Variants in SRRM4 observed in about 807,000 individuals in gnomAD.
The protein encoded by SRRM4 is serine/arginine repetitive matrix protein 4.
In SRRM4, 33 loss-of-function variants were observed where a neutral mutation model predicts 68.9. The observed-to-expected ratio is 0.48, with a 90% CI of 0.36 to 0.64. The LOEUF (loss-of-function observed/expected upper bound fraction) is 0.64. Among genes scored for constraint, SRRM4 ranks in the 30% least tolerant of loss-of-function variants. SRRM4 has a pLI of 0.00. For synonymous variants in SRRM4, 318 were observed against 318.8 expected, an observed-to-expected ratio of 1.00 and a Z score of 0.03; for missense variants, 817 against 827.1, an observed-to-expected ratio of 0.99 and a Z score of 0.15.
chr12:119,010,659 T>A (rs1594025441), intron 1 of SRRM4, among the ~76,000 whole-genome samples: 3 of 152,206 alleles, frequency 2.0e-5, no homozygotes, highest in Admixed American at 1.3e-4. Context: ...TCAAAAATTT[T>A]AAAAAATCTG....
chr12:119,048,563 A>G (rs1231237343), intron 1 of SRRM4, among the ~76,000 whole-genome samples: 1 of 152,124 alleles, frequency 6.6e-6, no homozygotes, highest in African/African-American at 2.4e-5. Flanking sequence ...ACCAGCTCCC[A>G]TTCTTTCTTT....
At chr12:119,132,261 T>C (rs914662342) in intron 8 of SRRM4, 2 of 152,204 alleles carry the variant, frequency 1.3e-5, no homozygotes, top group Non-Finnish European at 2.9e-5. Context: ...TGAGTCTTGT[T>C]TTGGCTGGAC....
At chr12:119,102,213 T>G (rs1565908379) in intron 1 of SRRM4, 23 bp from the exon 2 acceptor site, 1 of 1,597,988 alleles carries the variant, frequency 6.3e-7, no homozygotes. Flanking sequence ...AACACTTTTG[T>G]GTCCTTATTT....
At chr12:119,126,063 G>A (rs1379547461) in intron 7 of SRRM4, among the ~76,000 whole-genome samples, 1 of 104,460 alleles carries the variant, frequency 9.6e-6, no homozygotes, top group African/African-American at 3.8e-5. Context: ...TCACCCTATA[G>A]CCCAGTCTGG....
chr12:119,152,043 C>T (rs537279765), intron 10 of SRRM4, among the ~76,000 whole-genome samples: 5 of 152,080 alleles, frequency 3.3e-5, no homozygotes, highest in Admixed American at 6.5e-5. Flanking sequence ...TATTGGTAAT[C>T]GCTTGATTGC....
At chr12:119,011,433 G>T (rs1486405852) in intron 1 of SRRM4, among the ~76,000 whole-genome samples, 1 of 152,104 alleles carries the variant, frequency 6.6e-6, no homozygotes, top group Non-Finnish European at 1.5e-5. Flanking sequence ...TTTGGGCTGT[G>T]ACAATCAAAC....
intron 6 of SRRM4, among the ~76,000 whole-genome samples, chr12:119,123,545 G>A (rs896057932): frequency 1.3e-5 from 2 of 152,012 alleles, no homozygotes; most frequent in African/African-American, 4.8e-5. Context: ...AGGGGAGCAA[G>A]GTGGCCACCC....
At chr12:119,103,740 C>T (rs1364889992) in intron 2 of SRRM4, among the ~76,000 whole-genome samples, 4 of 152,224 alleles carry the variant, frequency 2.6e-5, no homozygotes, top group Non-Finnish European at 4.4e-5. Flanking sequence ...TGCTGGCTCA[C>T]GCCTGTAATC....
chr12:119,102,021 G>C (rs1035374239), intron 1 of SRRM4, among the ~76,000 whole-genome samples: 5 of 152,164 alleles, frequency 3.3e-5, no homozygotes, highest in Non-Finnish European at 5.9e-5. Flanking sequence ...GACAGAGGAA[G>C]GGGGAGCTGG....
intron 1 of SRRM4, among the ~76,000 whole-genome samples, chr12:119,063,128 C>G (rs771700216): frequency 9.9e-5 from 15 of 152,162 alleles, no homozygotes; most frequent in Admixed American, 2.0e-4. Flanking sequence ...CTGGTATCTA[C>G]TAAATACTTG....
chr12:119,053,526 A>G (rs1480997792), intron 1 of SRRM4, among the ~76,000 whole-genome samples: 1 of 151,834 alleles, frequency 6.6e-6, no homozygotes, highest in Non-Finnish European at 1.5e-5. Flanking sequence ...AAGGTTTGTG[A>G]CTCTCTGTTT....
At position 119,163,003 on chromosome 12, in the gene SRRM4, C is replaced by T. The variant is rs1023794491; in HGVS notation, c.*6205C>T. On this transcript the variant is annotated 3_prime_UTR_variant, in exon 13 of 13. Coordinates refer to ENST00000267260, the MANE Select transcript of SRRM4 (RefSeq NM_194286.4). ...GGGGTTTCTGGTTTTTCAGCCTGTA[C>T]GAAACATGTCTCTGTTCTAATTAAA... 1 of 152,172 alleles carries T rather than the reference C, an allele frequency of 6.6e-6. No individual in the cohort carries two copies. The highest frequency in any genetic ancestry group is 1.5e-5 in the Non-Finnish European group (1 of 68,040). 9.4% of individuals were successfully genotyped at this position (152,172 alleles called of 1,614,324 possible).
chr12:118,988,941 A>G (rs1953299420), intron 1 of SRRM4, among the ~76,000 whole-genome samples: 1 of 152,162 alleles, frequency 6.6e-6, no homozygotes, highest in African/African-American at 2.4e-5. Flanking sequence ...AGGCAGAGGG[A>G]ACAGCAAGTG....
intron 2 of SRRM4, among the ~76,000 whole-genome samples, chr12:119,102,885 A>G: frequency 6.6e-6 from 1 of 152,158 alleles, no homozygotes; most frequent in Non-Finnish European, 1.5e-5. Context: ...CTGTACTAGC[A>G]CACAAATGCA....
Position 119,116,957 on chromosome 12 carries a change from C to A in SRRM4, c.386C>A (p.Ser129Ter). ...KRRRSSSYSP[S>*]PVKKKKKKSS... ...GGCAGGTCCTCATCCTATAGCCCAT[C>A]GCCTGTCAAGAAAAAGAAGAAGAAA... Residue 129 changes from serine to a stop codon, truncating the protein, a stop_gained, in exon 4 of 13, where the codon TCG becomes TAG. Coordinates refer to ENST00000267260, the MANE Select transcript of SRRM4 (RefSeq NM_194286.4). LOFTEE classifies it high-confidence loss of function. The A allele has an allele frequency of 6.2e-7, 1 of 1,613,732 alleles. No individual in the cohort carries two copies. Among genetic ancestry groups the A allele is most frequent in the Non-Finnish European group, 8.5e-7 (1 of 1,179,804 alleles).
At position 119,099,964 on chromosome 12, in the gene SRRM4, C is replaced by T. The variant is rs78012629; in HGVS notation, c.132-2272C>T. On this transcript the variant is annotated intron_variant, in intron 1 of 12. Transcript: ENST00000267260. ...TTGAATGTGAGTCACTAAGCCCATC[C>T]GATATTCAAAGGGAGATAAATTAAG... 8.2e-3 allele frequency among the ~76,000 whole-genome samples: 1,243 copies of T among 152,210 alleles called. 11 individuals carry two copies. The highest frequency in any genetic ancestry group is 0.014 in the Middle Eastern group (4 of 292).
intron 1 of SRRM4, chr12:119,001,198 T>C (rs1953381823): frequency 6.6e-6 from 1 of 152,210 alleles, no homozygotes; most frequent in Non-Finnish European, 1.5e-5. Context: ...TGGCATGACT[T>C]CAAAGTTATG....
intron 2 of SRRM4, among the ~76,000 whole-genome samples, chr12:119,107,980 C>T (rs543591081): frequency 7.2e-5 from 11 of 152,334 alleles, no homozygotes; most frequent in Non-Finnish European, 1.0e-4. Flanking sequence ...CTACACACTG[C>T]TTTAAATGTG....
At chr12:119,085,086 A>T (rs571359877) in intron 1 of SRRM4, among the ~76,000 whole-genome samples, 3 of 152,180 alleles carry the variant, frequency 2.0e-5, no homozygotes, top group South Asian at 4.2e-4. Context: ...TTTTTAGTAG[A>T]GATGAGGTTT....
Sources: allele counts gnomAD v4.1 joint callset (sites outside exome capture counted in the v4.1 genomes callset), GRCh38; gene constraint gnomAD v4.1.1; transcripts MANE v1.5; gene names NCBI Gene and HGNC (gene_info 2026-07-23, HGNC 2026-07-21).